TRIM37: variants seen among roughly 807,000 people sequenced by gnomAD.
TRIM37 encodes the protein tripartite motif containing 37.
Under a neutral mutation model 129.8 loss-of-function variants are expected in TRIM37, and 80 were observed. The observed-to-expected ratio is 0.62, with a 90% CI of 0.51 to 0.74. The LOEUF (loss-of-function observed/expected upper bound fraction) is 0.74. Among genes scored for constraint, TRIM37 ranks in the 30% least tolerant of loss-of-function variants. TRIM37 has a pLI of 0.00. For missense variants in TRIM37, 1,054 were observed against 1,176.5 expected (o/e 0.90, Z 1.52); for synonymous variants, 389 against 387.1 (o/e 1.00, Z -0.06).
chr17:59,052,957 A>AAAATCAAATC (rs60696585), intron 13 of TRIM37, among the ~76,000 whole-genome samples: 24,721 of 142,272 alleles, frequency 0.17, 2,414 homozygotes, highest in Non-Finnish European at 0.21. Context: ...TCTGTCTCAA[A>AAAATCAAATC]AAATCAAATC....
the TRIM37 span, among the ~76,000 whole-genome samples, chr17:58,977,463 A>T: frequency 7.2e-5 from 11 of 151,874 alleles, 1 homozygote; most frequent in Non-Finnish European, 1.5e-4. Flanking sequence ...AAAAGAAATA[A>T]TGAATGAATG....
chr17:59,012,741 G>A (rs1246290306), intron 21 of TRIM37, among the ~76,000 whole-genome samples: 1 of 151,980 alleles, frequency 6.6e-6, no homozygotes, highest in Non-Finnish European at 1.5e-5. Flanking sequence ...GCCAGATATG[G>A]TGGTGGGCGC....
At chr17:59,046,523 A>G (rs924422532) in intron 16 of TRIM37, among the ~76,000 whole-genome samples, 2 of 151,382 alleles carry the variant, frequency 1.3e-5, no homozygotes, top group African/African-American at 4.9e-5. Flanking sequence ...CTCAGAAAGT[A>G]TTAGTCATGA....
chr17:59,033,027 T>C (rs138716249), intron 17 of TRIM37, among the ~76,000 whole-genome samples: 25 of 152,312 alleles, frequency 1.6e-4, no homozygotes, highest in African/African-American at 6.0e-4. Flanking sequence ...CTGACTTTTC[T>C]CTAGCACCTA....
intron 17 of TRIM37, among the ~76,000 whole-genome samples, chr17:59,040,458 T>C (rs1161711620): frequency 2.0e-5 from 3 of 152,032 alleles, no homozygotes; most frequent in Non-Finnish European, 4.4e-5. Flanking sequence ...AAAGAATGTA[T>C]AGCATTATCA....
chr17:58,981,713 TGTA>T (rs1454126991), downstream of TRIM37: 7 of 152,096 alleles, frequency 4.6e-5, no homozygotes, highest in Admixed American at 4.0e-4. Context: ...TTCCTAGGGC[TGTA>T]GTTATTTGGG....
chr17:59,062,532 G>C, intron 11 of TRIM37, 35 bp downstream of exon 11: 2 of 1,540,540 alleles, frequency 1.3e-6, no homozygotes, highest in Non-Finnish European at 1.8e-6. Context: ...GAAAGACCTT[G>C]GTTTCAAAAT....
At chr17:59,079,413 T>C (rs1408272543) in intron 7 of TRIM37, among the ~76,000 whole-genome samples, 1 of 152,164 alleles carries the variant, frequency 6.6e-6, no homozygotes, top group Non-Finnish European at 1.5e-5. Flanking sequence ...TGTCAGTTTC[T>C]TCATCCCCAA....
intron 4 of TRIM37, among the ~76,000 whole-genome samples, chr17:59,084,468 T>C (rs2043577895): frequency 1.3e-5 from 2 of 152,216 alleles, no homozygotes; most frequent in African/African-American, 4.8e-5. Context: ...GCACAAGTAC[T>C]TTTCCTACAT....
chr17:59,091,315 T>C lies in TRIM37; in HGVS notation c.149A>G (p.Gln50Arg). The C allele has an allele frequency of 4.4e-6, 7 of 1,583,264 alleles. No homozygotes were observed. Among genetic ancestry groups the C allele is most frequent in the Non-Finnish European group, 6.0e-6 (7 of 1,162,284 alleles). ...IRRWLTEQRA[Q>R]CPHCRAPLQL... ...AAACACTTACCGGCAATGAGGACAT[T>C]GAGCTCTCTGCTCTGTCAGCCAGCG... is the stretch of plus-strand genomic sequence containing the variant. The change falls in exon 3 of 24, where the codon CAA (glutamine) becomes CGA (arginine). Residue 50 changes from glutamine (Q) to arginine (R), a missense_variant. Gln to Arg is a conservative substitution (Grantham distance 43). Coordinates refer to ENST00000262294, the MANE Select transcript of TRIM37 (RefSeq NM_015294.6).
intron 8 of TRIM37, among the ~76,000 whole-genome samples, chr17:59,073,418 C>T (rs2042550090): frequency 6.6e-6 from 1 of 152,014 alleles, no homozygotes; most frequent in Non-Finnish European, 1.5e-5. Context: ...CTTAGCCTCC[C>T]GAGTGGCTGG....
chr17:59,069,369 A>T (rs1157762398), intron 9 of TRIM37, among the ~76,000 whole-genome samples: 2 of 151,812 alleles, frequency 1.3e-5, no homozygotes, highest in Non-Finnish European at 2.9e-5. Flanking sequence ...TAAAATAATA[A>T]ATTAAAAAAA....
At chr17:59,018,055 A>ACC (rs1430202292) in intron 19 of TRIM37, among the ~76,000 whole-genome samples, 43 of 152,374 alleles carry the variant, frequency 2.8e-4, no homozygotes, top group African/African-American at 9.4e-4. Flanking sequence ...TTATTGGATT[A>ACC]AAAAGAAAAA....
chr17:59,072,319 T>C (rs1294864674), intron 8 of TRIM37, among the ~76,000 whole-genome samples: 3 of 152,214 alleles, frequency 2.0e-5, no homozygotes, highest in Admixed American at 1.3e-4. Context: ...TATTTTGTTA[T>C]GACAGGCCTA....
rs994491841 is a variant in TRIM37 at position 59,041,861 on chromosome 17, A to G, written c.1705T>C (p.Leu569=). The G allele has an allele frequency of 6.2e-7, 1 of 1,613,788 alleles. No homozygotes were observed. The highest frequency in any genetic ancestry group is 8.5e-7 in the Non-Finnish European group (1 of 1,179,866). The change falls in exon 17 of 24, where the codon TTA becomes CTA. Residue 569 remains leucine (L), a synonymous_variant. Transcript: ENST00000262294. The part of the protein sequence containing the change: ...ENDVEYNNME[L]EEGELMEDAA... ...TCTTCCATGAGTTCTCCCTCTTCTA[A>G]TTCCATGTTGTTATATTCCACATCA...
At chr17:59,008,551 T>C (rs994497970) in intron 22 of TRIM37, among the ~76,000 whole-genome samples, 1 of 152,200 alleles carries the variant, frequency 6.6e-6, no homozygotes, top group African/African-American at 2.4e-5. Context: ...CCATTTTATA[T>C]ATAAAAATTA....
In TRIM37 at chr17:59,041,872, TTA is replaced by T; in HGVS notation, c.1692_1693del (p.Tyr564Ter). The T allele has an allele frequency of 6.2e-7, 1 of 1,613,748 alleles. No individual in the cohort carries two copies. On this transcript the variant is annotated stop_gained and frameshift_variant, in exon 17 of 24. Coordinates refer to ENST00000262294, the MANE Select transcript of TRIM37 (RefSeq NM_015294.6). LOFTEE classifies it high-confidence loss of function. ...TTCTCCCTCTTCTAATTCCATGTTG[TTA>T]TATTCCACATCATTTTCTCCAGACC...
chr17:59,094,195 G>A (rs1214404989), intron 2 of TRIM37, among the ~76,000 whole-genome samples: 1 of 152,018 alleles, frequency 6.6e-6, no homozygotes, highest in Non-Finnish European at 1.5e-5. Flanking sequence ...AAATTGCTCA[G>A]CCTCCACAAT....
chr17:59,090,034 A>C (rs1256570377), intron 3 of TRIM37: 2 of 152,184 alleles, frequency 1.3e-5, no homozygotes, highest in Non-Finnish European at 2.9e-5. Context: ...CAGGAGGTCG[A>C]GGCTGCAGTG....
Sources: allele counts gnomAD v4.1 joint callset (sites outside exome capture counted in the v4.1 genomes callset), GRCh38; gene constraint gnomAD v4.1.1; transcripts MANE v1.5; gene names NCBI Gene and HGNC (gene_info 2026-07-23, HGNC 2026-07-21).